The following CADM2 variants were observed in gnomAD, a reference collection of about 807,000 sequenced individuals.
The protein encoded by CADM2 is cell adhesion molecule 2, also known as immunoglobulin superfamily member 4D.
A neutral mutation model predicts 49.8 loss-of-function variants in CADM2; 12 were observed. The ratio of observed to expected loss-of-function variants is 0.24; its 90% CI spans 0.15 to 0.39. The LOEUF is 0.39. CADM2 is among the 10% of genes least tolerant of loss of function. The pLI is 1.00. For synonymous variants in CADM2, 214 were observed against 175.4 expected (o/e 1.22, Z -1.74); for missense variants, 378 against 492.3 (o/e 0.77, Z 2.20).
Position 86,073,958 on chromosome 3 carries a change from T to C in CADM2, c.*7175T>C, listed in dbSNP as rs1442237522. Reference sequence around the variant, plus strand: ...CATTTAATCGTTATTCCTTGGAATATATGAACCTTGTAAAGTGATGACTAA... The same window carrying C: ...CATTTAATCGTTATTCCTTGGAATACATGAACCTTGTAAAGTGATGACTAA... On this transcript the variant is annotated 3_prime_UTR_variant, in exon 10 of 10. Transcript: ENST00000383699. The C allele has an allele frequency of 6.6e-6, 1 of 151,990 alleles. No individual in the cohort carries two copies. Among genetic ancestry groups the C allele is most frequent in the East Asian group, 1.9e-4 (1 of 5,196 alleles). 9.4% of individuals were successfully genotyped at this position (151,990 alleles called of 1,614,324 possible). A position where few individuals can be genotyped will look rare whatever the true frequency, so the allele number is the denominator to read the frequency against.
chr3:86,050,506 G>T (rs980097589), intron 8 of CADM2, among the ~76,000 whole-genome samples: 1 of 152,146 alleles, frequency 6.6e-6, no homozygotes, highest in African/African-American at 2.4e-5. Flanking sequence ...ACTCTGTGTG[G>T]GGACTCCAGC....
At chr3:85,370,984 A>T (rs940615113) in intron 1 of CADM2, among the ~76,000 whole-genome samples, 2 of 143,390 alleles carry the variant, frequency 1.4e-5, no homozygotes, top group Admixed American at 7.1e-5. Context: ...ATAAGCTTAC[A>T]GAATAAGAAT....
chr3:85,133,923 C>G (rs1300771820), intron 1 of CADM2, among the ~76,000 whole-genome samples: 1 of 152,182 alleles, frequency 6.6e-6, no homozygotes, highest in Non-Finnish European at 1.5e-5. Context: ...CGGCGCTCGT[C>G]GGGGAGGCTC....
intron 1 of CADM2, among the ~76,000 whole-genome samples, chr3:85,506,428 C>T (rs572988212): frequency 1.3e-5 from 2 of 152,278 alleles, no homozygotes; most frequent in East Asian, 3.9e-4. Flanking sequence ...CATTAACTTT[C>T]CAGCCTTATT....
chr3:85,404,354 T>G (rs1459329064), intron 1 of CADM2, among the ~76,000 whole-genome samples: 6 of 152,096 alleles, frequency 3.9e-5, no homozygotes, highest in Non-Finnish European at 8.8e-5. Context: ...TATGTGTTTA[T>G]GTACATTTGA....
intron 1 of CADM2, among the ~76,000 whole-genome samples, chr3:85,174,524 A>G (rs564621863): frequency 6.6e-6 from 1 of 150,756 alleles, no homozygotes; most frequent in East Asian, 1.9e-4. Context: ...ATAAATATAT[A>G]TATATACACA....
intron 1 of CADM2, among the ~76,000 whole-genome samples, chr3:85,343,286 A>G (rs76578522): frequency 0.038 from 5,806 of 152,266 alleles, 160 homozygotes; most frequent in South Asian, 0.1. Context: ...ACACTAATAT[A>G]TCAACATATT....
chr3:85,445,066 A>G (rs1218537385), intron 1 of CADM2, among the ~76,000 whole-genome samples: 1 of 152,154 alleles, frequency 6.6e-6, no homozygotes, highest in Non-Finnish European at 1.5e-5. Context: ...GAGTACATAT[A>G]CTGTGTATAT....
intron 8 of CADM2, among the ~76,000 whole-genome samples, chr3:86,023,223 C>G (rs1733423080): frequency 6.6e-6 from 1 of 152,076 alleles, no homozygotes; most frequent in African/African-American, 2.4e-5. Flanking sequence ...TACGTATAAA[C>G]AAATGTAACA....
chr3:85,910,872 A>G (rs1486844038), intron 5 of CADM2, among the ~76,000 whole-genome samples: 1 of 152,060 alleles, frequency 6.6e-6, no homozygotes, highest in African/African-American at 2.4e-5. Flanking sequence ...ATCAATCAAT[A>G]TGATAAAGTC....
chr3:84,977,684 T>C (rs1001060790), intron 1 of CADM2, among the ~76,000 whole-genome samples: 2 of 152,072 alleles, frequency 1.3e-5, no homozygotes, highest in African/African-American at 2.4e-5. Context: ...AAAAGTATTT[T>C]ATTATTGGCT....
intron 1 of CADM2, among the ~76,000 whole-genome samples, chr3:85,306,749 A>T (rs79067509): frequency 1.3e-5 from 2 of 151,904 alleles, no homozygotes; most frequent in African/African-American, 4.8e-5. Flanking sequence ...TTCCACAAAG[A>T]CATTATATCA....
chr3:85,900,137 G>A (rs1715912440), intron 5 of CADM2, among the ~76,000 whole-genome samples: 2 of 152,098 alleles, frequency 1.3e-5, no homozygotes, highest in African/African-American at 4.8e-5. Flanking sequence ...CCATCTCTAA[G>A]AGATCATTTT....
intron 1 of CADM2, among the ~76,000 whole-genome samples, chr3:85,199,327 C>T (rs9810830): frequency 0.24 from 33,234 of 141,242 alleles, 6,243 homozygotes; most frequent in African/African-American, 0.53. Context: ...TCTGATGTAA[C>T]TCTCTTTGTG....
intron 1 of CADM2, among the ~76,000 whole-genome samples, chr3:85,564,329 G>A (rs1368730092): frequency 6.6e-6 from 1 of 151,962 alleles, no homozygotes; most frequent in Non-Finnish European, 1.5e-5. Flanking sequence ...AAAACAGCTG[G>A]ACTTTATTGA....
chr3:85,515,513 C>G (rs1430096942), intron 1 of CADM2, among the ~76,000 whole-genome samples: 1 of 148,844 alleles, frequency 6.7e-6, no homozygotes, highest in Non-Finnish European at 1.5e-5. Flanking sequence ...AACCTCTGCC[C>G]CCGGGTTCAA....
At chr3:84,971,811 G>A (rs2031461888) in intron 1 of CADM2, among the ~76,000 whole-genome samples, 1 of 151,938 alleles carries the variant, frequency 6.6e-6, no homozygotes, top group Non-Finnish European at 1.5e-5. Context: ...AAGTAAATTC[G>A]ATCAGGCATT....
chr3:85,605,663 C>G (rs1286072623), intron 1 of CADM2, among the ~76,000 whole-genome samples: 1 of 152,006 alleles, frequency 6.6e-6, no homozygotes, highest in Admixed American at 6.6e-5. Context: ...AATCATAGCT[C>G]TATCCTCTTT....
At chr3:85,828,476 A>G (rs1199505160) in intron 3 of CADM2, among the ~76,000 whole-genome samples, 1 of 151,984 alleles carries the variant, frequency 6.6e-6, no homozygotes, top group Non-Finnish European at 1.5e-5. Flanking sequence ...ATTTTCAATG[A>G]CACATATATT....
Sources: allele counts gnomAD v4.1 joint callset (sites outside exome capture counted in the v4.1 genomes callset), GRCh38; gene constraint gnomAD v4.1.1; transcripts MANE v1.5; gene names NCBI Gene and HGNC (gene_info 2026-07-23, HGNC 2026-07-21).